RBFOX1: variants seen among roughly 807,000 people sequenced by gnomAD.
RBFOX1 encodes the protein RNA binding protein fox-1 homolog 1.
RBFOX1 carries 8 observed loss-of-function variants against 57.7 expected under a neutral mutation model. The ratio of observed to expected loss-of-function variants is 0.14; its 90% confidence interval spans 0.08 to 0.25. The LOEUF is 0.25. Ranked by LOEUF, RBFOX1 falls within the 10% of genes least tolerant of loss-of-function variation. The pLI, the probability that RBFOX1 is intolerant of heterozygous loss-of-function variation, is 1.00. For missense variants in RBFOX1, 611 were observed against 548.5 expected, an observed-to-expected ratio of 1.11 and a Z score of -1.14; for synonymous variants, 326 against 222.4, an observed-to-expected ratio of 1.47 and a Z score of -4.15.
At chr16:5,762,054 G>A (rs1006570848) in intron 3 of RBFOX1, among the ~76,000 whole-genome samples, 2 of 152,034 alleles carry the variant, frequency 1.3e-5, no homozygotes, top group Middle Eastern at 3.2e-3. Context: ...CTAGAAAAGG[G>A]GAATGGAAAT....
rs140402223 is a variant in RBFOX1 at position 6,322,154 on chromosome 16, A to G, written c.-64+5097A>G. 4.6e-3 allele frequency among the ~76,000 whole-genome samples: 704 copies of G among 152,240 alleles called. 3 individuals carry two copies. The highest frequency in any genetic ancestry group is 0.016 in the African/African-American group (679 of 41,520). On this transcript the variant is annotated intron_variant, in intron 2 of 15. Coordinates refer to ENST00000550418, the MANE Select transcript of RBFOX1 (RefSeq NM_018723.4). Reference sequence around the variant, plus strand: ...TTCTTTTCATTCCCTCTGTTGGCATATTGCTCCAGGGACTTCTTACTTACG... The same window carrying G: ...TTCTTTTCATTCCCTCTGTTGGCATGTTGCTCCAGGGACTTCTTACTTACG...
At chr16:6,003,257 C>T (rs1855730026) in intron 4 of RBFOX1, among the ~76,000 whole-genome samples, 3 of 139,762 alleles carry the variant, frequency 2.1e-5, no homozygotes, top group Non-Finnish European at 3.0e-5. Context: ...CCAGCCTGGG[C>T]GACAGAGAGC....
intron 14 of RBFOX1, among the ~76,000 whole-genome samples, chr16:7,693,090 C>G (rs559067853): frequency 6.6e-6 from 1 of 152,082 alleles, no homozygotes; most frequent in Non-Finnish European, 1.5e-5. Flanking sequence ...TTTGGTGCAA[C>G]AGCTTGTACA....
intron 3 of RBFOX1, among the ~76,000 whole-genome samples, chr16:6,899,702 C>G (rs573578803): frequency 3.3e-5 from 5 of 152,308 alleles, no homozygotes; most frequent in East Asian, 1.9e-4. Flanking sequence ...GATTTTCTCG[C>G]CCATGGAGGC....
chr16:7,646,441 C>A (rs927758256), intron 11 of RBFOX1, among the ~76,000 whole-genome samples: 4 of 152,284 alleles, frequency 2.6e-5, no homozygotes, highest in African/African-American at 9.6e-5. Context: ...CATAAATTAC[C>A]CACAGAACAA....
At chr16:6,553,375 A>G (rs1332634022) in intron 2 of RBFOX1, among the ~76,000 whole-genome samples, 1 of 152,224 alleles carries the variant, frequency 6.6e-6, no homozygotes, top group Non-Finnish European at 1.5e-5. Flanking sequence ...GTATAGGACT[A>G]TTCAGTGAAC....
intron 4 of RBFOX1, among the ~76,000 whole-genome samples, chr16:5,923,584 C>G (rs1022513526): frequency 5.4e-5 from 8 of 147,838 alleles, no homozygotes; most frequent in African/African-American, 1.8e-4. Flanking sequence ...CTGTGTGGCC[C>G]AGGCTCGAAT....
intron 2 of RBFOX1, among the ~76,000 whole-genome samples, chr16:6,642,549 C>G (rs12447249): frequency 0.11 from 17,401 of 151,686 alleles, 1,319 homozygotes; most frequent in East Asian, 0.39. Context: ...GTCTGCATGG[C>G]TAGATTTTGA....
intron 1 of RBFOX1, among the ~76,000 whole-genome samples, chr16:6,290,963 G>C (rs1449770014): frequency 6.6e-6 from 1 of 152,120 alleles, no homozygotes; most frequent in African/African-American, 2.4e-5. Context: ...AGGGCTGCTG[G>C]TTGCCTATTT....
chr16:5,419,749 C>G (rs550146238), intron 1 of RBFOX1, among the ~76,000 whole-genome samples: 2 of 152,100 alleles, frequency 1.3e-5, no homozygotes, highest in South Asian at 2.1e-4. Flanking sequence ...AGGCAGAGGG[C>G]TTTCTCTGGC....
chr16:6,809,145 C>T (rs1447685464), intron 3 of RBFOX1, among the ~76,000 whole-genome samples: 1 of 152,158 alleles, frequency 6.6e-6, no homozygotes, highest in Non-Finnish European at 1.5e-5. Flanking sequence ...GTTTGTGTAC[C>T]TCACTGCTGA....
chr16:7,461,848 G>T lies in RBFOX1; in HGVS notation c.28-56299G>T, dbSNP rs560798814. ...GACTTCTGGGATGTGAGGGGGCACA[G>T]GCATTTTGCAGTGACTGTGAGAGCC... On this transcript the variant is annotated intron_variant, in intron 4 of 15. Transcript: ENST00000550418. Among the ~76,000 whole-genome samples the T allele has an allele frequency of 4.6e-5, 7 of 152,206 alleles. No individual in the cohort carries two copies. In the East Asian group the frequency reaches 1.4e-3, roughly 29 times the overall value.
chr16:5,681,827 A>G (rs1394340874), intron 3 of RBFOX1, among the ~76,000 whole-genome samples: 1 of 152,170 alleles, frequency 6.6e-6, no homozygotes, highest in African/African-American at 2.4e-5. Flanking sequence ...AGATATTAAT[A>G]TACGGGAGTG....
chr16:6,493,845 C>G lies in RBFOX1; in HGVS notation c.-63-160758C>G, dbSNP rs1039589647. ...AACACGCCAACTGAATATACGAAAG[C>G]TAGAAATAATCAGTATAAACTATGC... On this transcript the variant is annotated intron_variant, in intron 2 of 15. Transcript: ENST00000550418. 2.6e-5 allele frequency among the ~76,000 whole-genome samples: 4 copies of G among 152,154 alleles called. No individual in the cohort carries two copies. The East Asian group carries it at 7.7e-4, about 29-fold the overall frequency.
At chr16:5,258,507 A>C (rs899684011) in intron 1 of RBFOX1, among the ~76,000 whole-genome samples, 1 of 152,194 alleles carries the variant, frequency 6.6e-6, no homozygotes, top group African/African-American at 2.4e-5. Context: ...CTTGTCCTCA[A>C]AATGTAAATT....
intron 3 of RBFOX1, among the ~76,000 whole-genome samples, chr16:5,685,146 A>T (rs1212971462): frequency 6.6e-6 from 1 of 152,222 alleles, no homozygotes; most frequent in Non-Finnish European, 1.5e-5. Context: ...GATCAGCAGG[A>T]ACTGGAACTG....
At chr16:5,496,615 G>A (rs1037687527) in intron 2 of RBFOX1, among the ~76,000 whole-genome samples, 9 of 152,078 alleles carry the variant, frequency 5.9e-5, no homozygotes, top group Non-Finnish European at 1.3e-4. Context: ...CGGCCACAGG[G>A]CTGGATCATA....
At chr16:5,366,833 G>A (rs2065730454) in intron 1 of RBFOX1, 1 of 243,272 alleles carries the variant, frequency 4.1e-6, no homozygotes, top group Admixed American at 5.7e-5. Context: ...TCATTGCCAA[G>A]AATGTGTTGT....
intron 3 of RBFOX1, among the ~76,000 whole-genome samples, chr16:5,761,462 A>G (rs2151645406): frequency 1.3e-5 from 2 of 152,332 alleles, no homozygotes; most frequent in South Asian, 4.1e-4. Context: ...TATAAAGGAA[A>G]GGGGTTCAAT....
Sources: gnomAD v4.1 joint callset for allele counts (sites outside exome capture counted in the v4.1 genomes callset) on GRCh38, gnomAD v4.1.1 for gene constraint, MANE v1.5 for transcripts, NCBI Gene and HGNC (gene_info 2026-07-23, HGNC 2026-07-21) for gene names.